Variants in ADPGK observed in about 807,000 individuals in gnomAD.
The protein encoded by ADPGK is ADP dependent glucokinase.
Under a neutral mutation model 42.4 loss-of-function variants are expected in ADPGK, and 26 were observed. The observed-to-expected ratio is 0.61, with a 90% CI of 0.45 to 0.85. The LOEUF is 0.85. ADPGK is among the 40% of genes least tolerant of loss of function. The pLI is 0.00. For missense variants in ADPGK, 571 were observed against 627.0 expected (o/e 0.91, Z 0.95); for synonymous variants, 267 against 252.6 (o/e 1.06, Z -0.54).
At position 72,783,743 on chromosome 15, in the gene ADPGK, C is replaced by T; in HGVS notation, c.-52G>A. The T allele has an allele frequency of 1.4e-6, 2 of 1,394,274 alleles. No individual in the cohort carries two copies. Among genetic ancestry groups the T allele is most frequent in the Non-Finnish European group, 1.9e-6 (2 of 1,075,738 alleles). The allele number at this position is 1,394,274 out of a possible 1,614,324, so 86.4% of individuals were successfully genotyped here. A position where few individuals can be genotyped will look rare whatever the true frequency, so the allele number is the denominator to read the frequency against. Reference sequence around the variant, plus strand: ...AACCAACTCCTTTCCTAGCCCGCGCCTCTTCCGGGCTCGGCGCGCGCCGAT... The same window carrying T: ...AACCAACTCCTTTCCTAGCCCGCGCTTCTTCCGGGCTCGGCGCGCGCCGAT... On this transcript the variant is annotated 5_prime_UTR_variant, in exon 1 of 7. Coordinates refer to ENST00000456471, the MANE Select transcript of ADPGK (RefSeq NM_001365225.1).
chr15:72,752,820 G>A lies in ADPGK; in HGVS notation c.1015C>T (p.Pro339Ser), dbSNP rs2066064933. The A allele has an allele frequency of 1.2e-6, 2 of 1,614,216 alleles. No homozygotes were observed. Among genetic ancestry groups the A allele is most frequent in the Non-Finnish European group, 1.7e-6 (2 of 1,180,042 alleles). The change falls in exon 7 of 7, where the codon CCT becomes TCT. Residue 339 changes from proline (P) to serine (S), a missense_variant. By Grantham distance (74) the Pro-to-Ser change is moderately conservative (BLOSUM62 -1). Transcript: ENST00000456471. ...LLFLTQSASG[P>S]HSSLSSWNGV... ...TTCCAGGAAGAGAGAGAAGAGTGAG[G>A]TCCAGAGGCTGACTGGGTGAGAAAT... is the stretch of plus-strand genomic sequence containing the variant.
chr15:72,762,307 G>A (rs74730841), intron 3 of ADPGK, among the ~76,000 whole-genome samples: 12,507 of 152,112 alleles, frequency 0.082, 642 homozygotes, highest in Non-Finnish European at 0.12. Flanking sequence ...TAACATACTC[G>A]GTCTGTTTCA....
At chr15:72,759,043 A>G (rs955218284) in intron 4 of ADPGK, among the ~76,000 whole-genome samples, 3 of 152,166 alleles carry the variant, frequency 2.0e-5, no homozygotes, top group Non-Finnish European at 4.4e-5. Context: ...GGCTCAAGCA[A>G]TTCTCTGCCT....
At chr15:72,757,965 G>C in intron 4 of ADPGK, 2 of 1,068,610 alleles carry the variant, frequency 1.9e-6, no homozygotes, top group South Asian at 3.0e-5. Flanking sequence ...AGAGCTGCTT[G>C]CTGTTTCCAC....
Position 72,762,061 on chromosome 15 carries a change from G to A in ADPGK, c.523-1534C>T, listed in dbSNP as rs112772363. Among the ~76,000 whole-genome samples the A allele has an allele frequency of 2.6e-3, 392 of 152,154 alleles. 3 individuals are homozygous for A. The highest frequency in any genetic ancestry group is 8.9e-3 in the African/African-American group (369 of 41,500). On this transcript the variant is annotated intron_variant, in intron 3 of 6. Transcript: ENST00000456471. ...TAATTTTTCTATTTTTAGTAGAGAC[G>A]GGGTTTCACCATGTTGGTCAGGCTG...
intron 1 of ADPGK, among the ~76,000 whole-genome samples, chr15:72,780,878 A>C (rs765954580): frequency 6.6e-6 from 1 of 152,174 alleles, no homozygotes; most frequent in Admixed American, 6.5e-5. Context: ...TATTCAGGTT[A>C]TCTCTCAAAT....
chr15:72,779,895 T>A (rs62017600), intron 1 of ADPGK, among the ~76,000 whole-genome samples: 81,059 of 152,048 alleles, frequency 0.53, 23,397 homozygotes, highest in Middle Eastern at 0.68. Context: ...ACAATGTATG[T>A]ACATTTCTCC....
At chr15:72,757,082 T>C (rs1205221132) in intron 4 of ADPGK, 1 of 153,118 alleles carries the variant, frequency 6.5e-6, no homozygotes, top group Non-Finnish European at 1.5e-5. Context: ...TCCCTAAACA[T>C]GAAGCCTTTC....
chr15:72,776,041 C>G (rs936697591), intron 1 of ADPGK, among the ~76,000 whole-genome samples: 1 of 152,046 alleles, frequency 6.6e-6, no homozygotes, highest in Non-Finnish European at 1.5e-5. Context: ...AGTTTCTATT[C>G]CTTACGTGTG....
chr15:72,755,754 T>C (rs965846530), intron 5 of ADPGK, 100 bp from the exon 6 acceptor site: 1 of 888,296 alleles, frequency 1.1e-6, no homozygotes, highest in Admixed American at 2.1e-5. Context: ...CTCCTGGTAA[T>C]GGCCTTCTTT....
chr15:72,756,507 G>C, intron 4 of ADPGK, 60 bp from the exon 5 acceptor site: 1 of 1,577,554 alleles, frequency 6.3e-7, no homozygotes, highest in Non-Finnish European at 8.6e-7. Flanking sequence ...TCTCCTAGCT[G>C]TGGGGGCACT....
At chr15:72,753,044 T>G in intron 6 of ADPGK, 149 bp from the exon 7 acceptor site, 1 of 737,986 alleles carries the variant, frequency 1.4e-6, no homozygotes, top group Non-Finnish European at 2.2e-6. Flanking sequence ...AGTCACTGTT[T>G]TAGCTATCAC....
Position 72,775,090 on chromosome 15 carries a change from C to T in ADPGK, c.241G>A (p.Ala81Thr). ...RWRRVAVGVNACVDVVLSGVK... is the reference protein window; with the variant it reads ...RWRRVAVGVNTCVDVVLSGVK... ...CCTGAGAGCACCACATCAACACATG[C>T]ATTGACTCTAGAAGGAGGAAAAAAA... Residue 81 changes from alanine to threonine, a missense_variant, in exon 2 of 7, where the codon GCA (alanine) becomes ACA (threonine). This residue lies in a region of ADPGK where 434 missense variants were observed against 522.7 expected (regional missense o/e 0.83). Coordinates refer to ENST00000456471, the MANE Select transcript of ADPGK (RefSeq NM_001365225.1). 6.2e-7 allele frequency: 1 copy of T among 1,613,918 alleles called. No individual in the cohort carries two copies. Among genetic ancestry groups the T allele is most frequent in the Non-Finnish European group, 8.5e-7 (1 of 1,179,860 alleles).
At chr15:72,782,304 A>C (rs2066469086) in intron 1 of ADPGK, among the ~76,000 whole-genome samples, 1 of 152,102 alleles carries the variant, frequency 6.6e-6, no homozygotes, top group African/African-American at 2.4e-5. Context: ...GCTTGAGCTC[A>C]GGAGTTCGAG....
intron 2 of ADPGK, among the ~76,000 whole-genome samples, chr15:72,772,100 G>A (rs1036163688): frequency 2.0e-5 from 3 of 152,190 alleles, no homozygotes. Flanking sequence ...TCAGCTCTGA[G>A]CTTACAGACA....
At position 72,752,543 on chromosome 15, in the gene ADPGK, TG is replaced by T; in HGVS notation, c.1291del (p.Gln431LysfsTer4). The T allele has an allele frequency of 6.2e-7, 1 of 1,614,226 alleles. No individual in the cohort carries two copies. The highest frequency in any genetic ancestry group is 2.2e-5 in the East Asian group (1 of 44,888). On this transcript the variant is annotated frameshift_variant, in exon 7 of 7. Coordinates refer to ENST00000456471, the MANE Select transcript of ADPGK (RefSeq NM_001365225.1). LOFTEE classifies it high-confidence loss of function. ...DTSRVSLRAPQEFMTSHSEAG... is the reference protein window; with the variant it reads ...DTSRVSLRAPXEFMTSHSEAG... ...CTCCGAATGGGAAGTCATGAACTCT[TG>T]GGGTGCCCTCAGAGACACTCGGCTG...
intron 1 of ADPGK, chr15:72,783,163 T>C: frequency 8.7e-7 from 1 of 1,153,642 alleles, no homozygotes; most frequent in Non-Finnish European, 1.1e-6. Context: ...GAGAAGGGGC[T>C]AAAAGTTGGA....
chr15:72,767,589 T>C (rs2066276573), intron 3 of ADPGK, among the ~76,000 whole-genome samples: 1 of 152,136 alleles, frequency 6.6e-6, no homozygotes, highest in Non-Finnish European at 1.5e-5. Flanking sequence ...ATTCAGGTCA[T>C]AGAAAGCATA....
chr15:72,773,653 T>C (rs1342554110), intron 2 of ADPGK, among the ~76,000 whole-genome samples: 2 of 152,162 alleles, frequency 1.3e-5, no homozygotes, highest in Non-Finnish European at 2.9e-5. Context: ...ATCAAACTGG[T>C]GGTTTAAATT....
Sources: allele counts gnomAD v4.1 joint callset (sites outside exome capture counted in the v4.1 genomes callset), GRCh38; gene constraint gnomAD v4.1.1; regional missense constraint gnomAD v4.1.1; transcripts MANE v1.5; gene names NCBI Gene and HGNC (gene_info 2026-07-23, HGNC 2026-07-21).